BBX: variants seen among roughly 807,000 people sequenced by gnomAD.
BBX encodes the protein BBX high mobility group box domain containing.
In BBX, 30 loss-of-function variants were observed where a neutral mutation model predicts 100.2. The ratio of observed to expected loss-of-function variants is 0.30; its 90% CI spans 0.22 to 0.41. The LOEUF (loss-of-function observed/expected upper bound fraction) is 0.41, where lower values mean the gene tolerates loss of function less well. Ranked by LOEUF, BBX falls within the 10% of genes least tolerant of loss-of-function variation. BBX has a pLI of 1.00. For missense variants in BBX, 1,023 were observed against 1,129.8 expected (o/e 0.91, Z 1.35); for synonymous variants, 376 against 388.1 (o/e 0.97, Z 0.37).
intron 7 of BBX, among the ~76,000 whole-genome samples, chr3:107,742,080 A>G (rs1229313995): frequency 6.6e-6 from 1 of 152,170 alleles, no homozygotes; most frequent in Admixed American, 6.6e-5. Flanking sequence ...AATAAATGAT[A>G]TATTTTACAA....
intron 2 of BBX, among the ~76,000 whole-genome samples, chr3:107,545,008 T>G (rs1349986826): frequency 6.6e-6 from 1 of 151,372 alleles, no homozygotes; most frequent in East Asian, 1.9e-4. Flanking sequence ...AGAGCGAGAC[T>G]CCGTCTCAAA....
intron 10 of BBX, among the ~76,000 whole-genome samples, chr3:107,761,695 C>T (rs2065912149): frequency 6.6e-6 from 1 of 152,044 alleles, no homozygotes; most frequent in Admixed American, 6.6e-5. Flanking sequence ...CTGAAAGATG[C>T]TGAGGGTGGG....
chr3:107,556,140 C>T (rs542457146), intron 2 of BBX, among the ~76,000 whole-genome samples: 23 of 152,180 alleles, frequency 1.5e-4, no homozygotes, highest in Non-Finnish European at 2.5e-4. Context: ...TTTTGGTTCA[C>T]GGGCTCTGAT....
At chr3:107,642,055 G>T (rs1296470444) in intron 2 of BBX, among the ~76,000 whole-genome samples, 1 of 152,160 alleles carries the variant, frequency 6.6e-6, no homozygotes, top group Non-Finnish European at 1.5e-5. Context: ...TTAGCCTGTA[G>T]TGGACAACAG....
chr3:107,741,256 C>A (rs2064079832), intron 7 of BBX, among the ~76,000 whole-genome samples: 1 of 151,968 alleles, frequency 6.6e-6, no homozygotes, highest in African/African-American at 2.4e-5. Flanking sequence ...CTGGCTTGAT[C>A]TTGTTTTATA....
intron 1 of BBX, chr3:107,523,319 C>T (rs547988555): frequency 6.1e-6 from 1 of 163,164 alleles, no homozygotes; most frequent in East Asian, 1.6e-4. Context: ...CCGGCCCGCT[C>T]CCTGGGCACT....
intron 2 of BBX, among the ~76,000 whole-genome samples, chr3:107,587,933 A>G (rs528606773): frequency 3.8e-4 from 58 of 152,286 alleles, no homozygotes; most frequent in Middle Eastern, 3.4e-3. Context: ...TGGAATCCCT[A>G]CCTTTAGTAA....
chr3:107,647,213 A>G (rs1000627270), intron 3 of BBX, among the ~76,000 whole-genome samples: 1 of 152,186 alleles, frequency 6.6e-6, no homozygotes, highest in African/African-American at 2.4e-5. Context: ...AATTTCAAGT[A>G]TGTTCTCATT....
chr3:107,740,871 C>T lies in BBX; in HGVS notation c.670-3759C>T, dbSNP rs114817984. 6.9e-3 allele frequency among the ~76,000 whole-genome samples: 1,045 copies of T among 151,104 alleles called. 7 individuals are homozygous for T. The highest frequency in any genetic ancestry group is 8.4e-3 in the Admixed American group (127 of 15,104). On this transcript the variant is annotated intron_variant, in intron 7 of 17. Coordinates refer to ENST00000325805, the MANE Select transcript of BBX (RefSeq NM_001142568.3). ...GTAATATTCTACCATTATGCACTTACATTTTTGTATATGATGTTGCTGTCC... is the reference window on the plus strand; with the variant it reads ...GTAATATTCTACCATTATGCACTTATATTTTTGTATATGATGTTGCTGTCC...
intron 8 of BBX, among the ~76,000 whole-genome samples, chr3:107,745,273 G>T (rs1460945394): frequency 6.6e-6 from 1 of 152,038 alleles, no homozygotes; most frequent in Non-Finnish European, 1.5e-5. Flanking sequence ...GTTTAAGACT[G>T]CTCAGAATAT....
At chr3:107,740,391 A>C (rs993341876) in intron 7 of BBX, among the ~76,000 whole-genome samples, 4 of 152,016 alleles carry the variant, frequency 2.6e-5, no homozygotes, top group African/African-American at 9.7e-5. Context: ...CTTTCCAGAC[A>C]ATTACTGAAG....
chr3:107,627,096 C>A (rs146103349), intron 2 of BBX, among the ~76,000 whole-genome samples: 1 of 152,166 alleles, frequency 6.6e-6, no homozygotes, highest in South Asian at 2.1e-4. Flanking sequence ...ACTGCTTACA[C>A]GGGTCAGCCC....
chr3:107,794,684 A>G (rs2069419423), intron 15 of BBX, among the ~76,000 whole-genome samples: 1 of 152,198 alleles, frequency 6.6e-6, no homozygotes, highest in Non-Finnish European at 1.5e-5. Context: ...TCTATTCAGC[A>G]TCTGACTGCT....
At position 107,806,390 on chromosome 3, in the gene BBX, C is replaced by T. The variant is rs1343048326; in HGVS notation, c.*933C>T. On this transcript the variant is annotated 3_prime_UTR_variant, in exon 18 of 18. Coordinates refer to ENST00000325805, the MANE Select transcript of BBX (RefSeq NM_001142568.3). Reference sequence around the variant, plus strand: ...TTCAGAAGTGACCTTAGTATTACTTCACTATTCTAAACACATTGAAGACAC... The same window carrying T: ...TTCAGAAGTGACCTTAGTATTACTTTACTATTCTAAACACATTGAAGACAC... 6.6e-6 allele frequency: 1 copy of T among 152,162 alleles called. No individual in the cohort carries two copies. Among genetic ancestry groups the T allele is most frequent in the East Asian group, 1.9e-4 (1 of 5,204 alleles). 9.4% of individuals were successfully genotyped at this position (152,162 alleles called of 1,614,324 possible). A position where few individuals can be genotyped will look rare whatever the true frequency, so the allele number is the denominator to read the frequency against.
intron 2 of BBX, among the ~76,000 whole-genome samples, chr3:107,587,577 G>A (rs1019939450): frequency 1.3e-5 from 2 of 152,138 alleles, no homozygotes; most frequent in African/African-American, 4.8e-5. Flanking sequence ...CCTGTCTGGG[G>A]GAGATGCTTA....
intron 2 of BBX, among the ~76,000 whole-genome samples, chr3:107,528,168 GA>G (rs549331625): frequency 6.6e-6 from 1 of 152,306 alleles, no homozygotes; most frequent in South Asian, 2.1e-4. Flanking sequence ...TTTTGACAAT[GA>G]ATTGCCAGTT....
rs1486345627 is a variant in BBX at position 107,778,874 on chromosome 3, C to T, written c.2203+355C>T. ...GTCCAGTTCTTCTGTTCCCTGTGTCCGCAACAGGTTGAACTCGGGGACTGT... is the reference window on the plus strand; with the variant it reads ...GTCCAGTTCTTCTGTTCCCTGTGTCTGCAACAGGTTGAACTCGGGGACTGT... On this transcript the variant is annotated intron_variant, in intron 13 of 17. Coordinates refer to ENST00000325805, the MANE Select transcript of BBX (RefSeq NM_001142568.3). 5.3e-5 allele frequency among the ~76,000 whole-genome samples: 8 copies of T among 151,094 alleles called. No homozygotes were observed. In the South Asian group the frequency reaches 8.4e-4, roughly 16 times the overall value.
chr3:107,773,550 A>G lies in BBX; in HGVS notation c.1829A>G (p.Lys610Arg). The change falls in exon 11 of 18, where the codon AAA (lysine) becomes AGA (arginine). Residue 610 changes from lysine to arginine, a missense_variant. Lys to Arg is a conservative substitution (Grantham distance 26, BLOSUM62 2). Transcript: ENST00000325805. The surrounding 1 kb of genome is among the most constrained non-coding windows in gnomAD (Gnocchi z 4.1). Reference sequence around the variant, plus strand: ...AAAATAGAAACTTGTGGTTCCAGGAAATCCGAGAGGTCTTGCAAAGGTGCT... The same window carrying G: ...AAAATAGAAACTTGTGGTTCCAGGAGATCCGAGAGGTCTTGCAAAGGTGCT... ...HRKIETCGSR[K>R]SERSCKGALY... is the part of the protein sequence containing the mutation. 2 of 1,614,058 alleles carry G rather than the reference A, an allele frequency of 1.2e-6. No homozygotes were observed. The highest frequency in any genetic ancestry group is 1.7e-6 in the Non-Finnish European group (2 of 1,179,954).
intron 10 of BBX, among the ~76,000 whole-genome samples, chr3:107,758,661 G>A (rs1208156772): frequency 6.6e-6 from 1 of 152,148 alleles, no homozygotes; most frequent in Non-Finnish European, 1.5e-5. Context: ...TCAGCACCTG[G>A]AGGGCACATC....
Sources: gnomAD v4.1 joint callset for allele counts (sites outside exome capture counted in the v4.1 genomes callset) on GRCh38, gnomAD v4.1.1 for gene constraint, Gnocchi (gnomAD v3.1) non-coding constraint, MANE v1.5 for transcripts, NCBI Gene and HGNC (gene_info 2026-07-23, HGNC 2026-07-21) for gene names.